FIRRM: variants seen among roughly 807,000 people sequenced by gnomAD.
The protein encoded by FIRRM is FIGNL1 interacting regulator of recombination and mitosis.
At chr1:169,852,750 T>C in the FIRRM span, 26 of 1,593,310 alleles carry the variant, frequency 1.6e-5, no homozygotes, top group Non-Finnish European at 2.1e-5. Context: ...TCTTTATATT[T>C]AGAATGGATA....
At chr1:169,784,204 A>G in the FIRRM span, among the ~76,000 whole-genome samples, 1 of 152,192 alleles carries the variant, frequency 6.6e-6, no homozygotes, top group Non-Finnish European at 1.5e-5. Context: ...GTTGTTCCAC[A>G]GTCCCAAACT....
chr1:169,789,054 G>C, the FIRRM span, among the ~76,000 whole-genome samples: 43 of 152,304 alleles, frequency 2.8e-4, no homozygotes, highest in African/African-American at 8.7e-4. Context: ...CAGTAGAGGA[G>C]TCTTACAAAG....
At chr1:169,818,735 G>A in the FIRRM span, among the ~76,000 whole-genome samples, 3 of 152,110 alleles carry the variant, frequency 2.0e-5, no homozygotes, top group Admixed American at 1.3e-4. Flanking sequence ...TGCCCATGCT[G>A]GAGTACAATG....
the FIRRM span, chr1:169,853,900 A>AAAAT: frequency 3.0e-6 from 3 of 993,086 alleles, no homozygotes; most frequent in African/African-American, 1.6e-5. Context: ...CGTACTAAGT[A>AAAAT]AAATAACTTA....
the FIRRM span, chr1:169,830,688 T>TA: frequency 1.2e-6 from 2 of 1,612,696 alleles, no homozygotes; most frequent in Non-Finnish European, 1.7e-6. Context: ...TTCTCTTTTA[T>TA]ATTGCAGATA....
At chr1:169,801,170 C>T in the FIRRM span, among the ~76,000 whole-genome samples, 1 of 152,000 alleles carries the variant, frequency 6.6e-6, no homozygotes, top group South Asian at 2.1e-4. Context: ...AGGCTGGGCA[C>T]GGTGGCTCAT....
At chr1:169,851,676 A>G in the FIRRM span, 1 of 889,150 alleles carries the variant, frequency 1.1e-6, no homozygotes, top group Non-Finnish European at 1.7e-6. Flanking sequence ...TTATACTAAG[A>G]GTATTTATAG....
the FIRRM span, among the ~76,000 whole-genome samples, chr1:169,784,623 T>C: frequency 6.6e-6 from 1 of 152,240 alleles, no homozygotes; most frequent in Non-Finnish European, 1.5e-5. Flanking sequence ...CAGTTACCTG[T>C]TGTTCTGTTT....
chr1:169,798,900 T>A, the FIRRM span: 1 of 1,294,932 alleles, frequency 7.7e-7, no homozygotes, highest in South Asian at 1.4e-5. Context: ...GATACTAGTA[T>A]CTTCCTTAAT....
chr1:169,785,882 G>A, the FIRRM span, among the ~76,000 whole-genome samples: 1 of 151,872 alleles, frequency 6.6e-6, no homozygotes, highest in East Asian at 1.9e-4. Context: ...ACCAATTATG[G>A]GTAAAATAAT....
At chr1:169,807,749 G>A in the FIRRM span, 4 of 1,512,632 alleles carry the variant, frequency 2.6e-6, no homozygotes, top group East Asian at 9.9e-5. Context: ...TACTTGATGT[G>A]TTACTTGTGG....
the FIRRM span, among the ~76,000 whole-genome samples, chr1:169,806,764 C>G: frequency 1.4e-4 from 21 of 152,204 alleles, no homozygotes; most frequent in Non-Finnish European, 2.8e-4. Flanking sequence ...GTGCTTAAAT[C>G]CATTCTTGAA....
chr1:169,846,199 T>C, the FIRRM span, among the ~76,000 whole-genome samples: 1 of 152,170 alleles, frequency 6.6e-6, no homozygotes, highest in African/African-American at 2.4e-5. Context: ...CTCTCAATAG[T>C]GGGCCAAAAA....
At chr1:169,803,699 C>T in the FIRRM span, among the ~76,000 whole-genome samples, 4 of 152,062 alleles carry the variant, frequency 2.6e-5, no homozygotes, top group African/African-American at 9.7e-5. Flanking sequence ...CTCTACATGC[C>T]AGAGGTAGCC....
At chr1:169,802,365 G>T in the FIRRM span, among the ~76,000 whole-genome samples, 2 of 152,062 alleles carry the variant, frequency 1.3e-5, no homozygotes, top group Non-Finnish European at 2.9e-5. Flanking sequence ...TAAAAAAATT[G>T]ATGCTATTAA....
chr1:169,830,425 G>A, the FIRRM span: 2 of 1,221,366 alleles, frequency 1.6e-6, no homozygotes, highest in South Asian at 2.6e-5. Context: ...TAAGCTTATA[G>A]AAAAACTGTT....
the FIRRM span, among the ~76,000 whole-genome samples, chr1:169,796,515 C>T: frequency 7.2e-4 from 110 of 152,314 alleles, no homozygotes; most frequent in Non-Finnish European, 1.2e-3. Context: ...TCTCACACAC[C>T]CGATCAGTAA....
chr1:169,821,206 A>T, the FIRRM span, among the ~76,000 whole-genome samples: 5 of 152,088 alleles, frequency 3.3e-5, no homozygotes, highest in Non-Finnish European at 7.4e-5. Context: ...AATATATATA[A>T]TTAAGTTATA....
chr1:169,842,851 C>A, the FIRRM span, among the ~76,000 whole-genome samples: 1 of 152,130 alleles, frequency 6.6e-6, no homozygotes, highest in East Asian at 1.9e-4. Flanking sequence ...TTAATGTATC[C>A]TATTTCTGTA....
Sources: allele counts gnomAD v4.1 joint callset (sites outside exome capture counted in the v4.1 genomes callset), GRCh38; gene constraint gnomAD v4.1.1; transcripts MANE v1.5; gene names NCBI Gene and HGNC (gene_info 2026-07-23, HGNC 2026-07-21).